Variants in CLEC16A observed in about 807,000 individuals in gnomAD.
CLEC16A encodes C-type lectin domain containing 16A.
Under a neutral mutation model 109.5 loss-of-function variants are expected in CLEC16A, and 51 were observed. The observed-to-expected ratio is 0.47, with a 90% CI of 0.37 to 0.59. The LOEUF (loss-of-function observed/expected upper bound fraction) is 0.59. Among genes scored for constraint, CLEC16A ranks in the 20% least tolerant of loss-of-function variants. The pLI, the probability that CLEC16A is intolerant of heterozygous loss-of-function variation, is 0.00. For synonymous variants in CLEC16A, 673 were observed against 564.2 expected (o/e 1.19, Z -2.73); for missense variants, 1,339 against 1,394.0 (o/e 0.96, Z 0.63).
At chr16:11,049,013 C>CT (rs5815611) in intron 17 of CLEC16A, among the ~76,000 whole-genome samples, 26 of 148,268 alleles carry the variant, frequency 1.8e-4, no homozygotes, top group Admixed American at 4.0e-4. Flanking sequence ...TGATTTTTTT[C>CT]TTTTTTTTTT....
intron 19 of CLEC16A, among the ~76,000 whole-genome samples, chr16:11,102,759 C>G (rs1195476945): frequency 6.6e-6 from 1 of 152,240 alleles, no homozygotes; most frequent in Non-Finnish European, 1.5e-5. Context: ...CCTGCTGGTT[C>G]TTGCTGGGTG....
chr16:11,075,244 A>G (rs981541317), intron 19 of CLEC16A, among the ~76,000 whole-genome samples: 3 of 152,208 alleles, frequency 2.0e-5, no homozygotes, highest in African/African-American at 7.2e-5. Flanking sequence ...CTCAAAAAGC[A>G]GTAACTTCCG....
chr16:11,091,249 A>G (rs941995670), intron 19 of CLEC16A, among the ~76,000 whole-genome samples: 6 of 152,234 alleles, frequency 3.9e-5, no homozygotes, highest in African/African-American at 1.4e-4. Flanking sequence ...GTTGAAAATG[A>G]TATCACTTAT....
At chr16:11,153,767 T>C (rs966268457) in intron 22 of CLEC16A, among the ~76,000 whole-genome samples, 13 of 151,996 alleles carry the variant, frequency 8.6e-5, no homozygotes, top group African/African-American at 2.9e-4. Context: ...ATCAATACTT[T>C]TATGATGAAA....
At chr16:11,158,105 A>C (rs143987811) in intron 22 of CLEC16A, among the ~76,000 whole-genome samples, 11 of 152,272 alleles carry the variant, frequency 7.2e-5, no homozygotes, top group Non-Finnish European at 1.5e-4. Flanking sequence ...AGATCCAAGG[A>C]AGGAGCCGAC....
At chr16:10,996,009 A>T (rs2044305680) in intron 10 of CLEC16A, among the ~76,000 whole-genome samples, 1 of 152,046 alleles carries the variant, frequency 6.6e-6, no homozygotes, top group South Asian at 2.1e-4. Flanking sequence ...CCTTTACCTG[A>T]TGCCTCTGGC....
intron 10 of CLEC16A, among the ~76,000 whole-genome samples, chr16:10,987,617 C>G (rs893755810): frequency 1.7e-4 from 26 of 152,204 alleles, no homozygotes; most frequent in African/African-American, 6.3e-4. Flanking sequence ...ACCTTTCTCT[C>G]AGTGTGAAGT....
chr16:11,088,425 C>T (rs2050126819), intron 19 of CLEC16A, among the ~76,000 whole-genome samples: 1 of 152,218 alleles, frequency 6.6e-6, no homozygotes, highest in African/African-American at 2.4e-5. Context: ...TATCTGTGTA[C>T]CATCTTCAGC....
chr16:11,154,368 T>A (rs1298176853), intron 22 of CLEC16A, among the ~76,000 whole-genome samples: 1 of 152,242 alleles, frequency 6.6e-6, no homozygotes, highest in Admixed American at 6.5e-5. Context: ...GTGTCTTGAA[T>A]GCAGTGTAAC....
chr16:10,990,039 G>GGC (rs2043910378), intron 10 of CLEC16A, among the ~76,000 whole-genome samples: 1 of 152,188 alleles, frequency 6.6e-6, no homozygotes, highest in Non-Finnish European at 1.5e-5. Flanking sequence ...CTGGTTCCAA[G>GGC]GCGCGCACAT....
At chr16:11,070,054 A>G (rs1007494535) in intron 19 of CLEC16A, among the ~76,000 whole-genome samples, 1 of 145,002 alleles carries the variant, frequency 6.9e-6, no homozygotes, top group Non-Finnish European at 1.5e-5. Context: ...TTCTCCCAGC[A>G]CCTTGTTTGA....
chr16:11,119,310 C>G (rs957093979), intron 19 of CLEC16A, among the ~76,000 whole-genome samples: 1 of 152,074 alleles, frequency 6.6e-6, no homozygotes, highest in Non-Finnish European at 1.5e-5. Flanking sequence ...GCCTATATGT[C>G]TATTTTTATA....
chr16:11,136,724 G>T (rs896226239), intron 22 of CLEC16A, among the ~76,000 whole-genome samples: 3 of 152,188 alleles, frequency 2.0e-5, no homozygotes, highest in Admixed American at 6.5e-5. Flanking sequence ...CCTGTAATCT[G>T]CCTGAGGCCC....
intron 8 of CLEC16A, among the ~76,000 whole-genome samples, chr16:10,978,720 C>A (rs2043155238): frequency 6.6e-6 from 1 of 152,200 alleles, no homozygotes; most frequent in African/African-American, 2.4e-5. Context: ...CCAGAGGCAG[C>A]TCTGGGAGGC....
At chr16:11,045,049 T>A (rs2047563310) in intron 16 of CLEC16A, among the ~76,000 whole-genome samples, 1 of 148,878 alleles carries the variant, frequency 6.7e-6, no homozygotes. Flanking sequence ...ACAATAGACA[T>A]TTACTTCTGG....
At chr16:11,055,943 G>A (rs1054986471) in intron 18 of CLEC16A, among the ~76,000 whole-genome samples, 7 of 152,072 alleles carry the variant, frequency 4.6e-5, no homozygotes, top group African/African-American at 1.7e-4. Context: ...CATAGTTGTT[G>A]AACATATTCT....
At chr16:11,067,112 C>T (rs1334119006) in intron 19 of CLEC16A, among the ~76,000 whole-genome samples, 2 of 149,234 alleles carry the variant, frequency 1.3e-5, no homozygotes, top group Non-Finnish European at 3.0e-5. Context: ...TGTATACACA[C>T]ATACTGTGCT....
chr16:11,145,472 G>C (rs1029712928), intron 22 of CLEC16A, among the ~76,000 whole-genome samples: 1 of 152,266 alleles, frequency 6.6e-6, no homozygotes, highest in African/African-American at 2.4e-5. Context: ...CCTGGGAGAT[G>C]CAGTCATGAC....
intron 3 of CLEC16A, among the ~76,000 whole-genome samples, chr16:10,967,940 T>G (rs976156960): frequency 2.6e-5 from 4 of 152,216 alleles, no homozygotes; most frequent in Non-Finnish European, 5.9e-5. Context: ...TCTGACTCCG[T>G]GGCGCAGGGC....
Sources: allele counts gnomAD v4.1 joint callset (sites outside exome capture counted in the v4.1 genomes callset), GRCh38; gene constraint gnomAD v4.1.1; transcripts MANE v1.5; gene names NCBI Gene and HGNC (gene_info 2026-07-23, HGNC 2026-07-21).